BTRC: variants seen among roughly 807,000 people sequenced by gnomAD.
BTRC encodes the protein F-box/WD repeat-containing protein 1A.
In BTRC, 42 loss-of-function variants were observed where a neutral mutation model predicts 85.5. The observed-to-expected ratio is 0.49, with a 90% CI of 0.38 to 0.64. The LOEUF (loss-of-function observed/expected upper bound fraction) is 0.64, where lower values mean the gene tolerates loss of function less well. BTRC is among the 30% of genes least tolerant of loss of function. The probability of loss-of-function intolerance (pLI) is 0.00; values close to 1 mark genes in which losing one functional copy is unlikely to be tolerated. For synonymous variants in BTRC, 255 were observed against 263.3 expected (o/e 0.97, Z 0.30); for missense variants, 594 against 743.5 (o/e 0.80, Z 2.34).
chr10:101,367,537 C>A (rs1011313804), intron 1 of BTRC, among the ~76,000 whole-genome samples: 3 of 152,048 alleles, frequency 2.0e-5, no homozygotes, highest in Non-Finnish European at 4.4e-5. Context: ...TCTTCGTAAC[C>A]ATTATCTAGA....
intron 4 of BTRC, among the ~76,000 whole-genome samples, chr10:101,515,691 T>C (rs2062014568): frequency 6.6e-6 from 1 of 152,142 alleles, no homozygotes; most frequent in South Asian, 2.1e-4. Flanking sequence ...TTTTGTACTT[T>C]TAGTAGAGAC....
At chr10:101,450,150 T>C (rs1357591974) in intron 2 of BTRC, among the ~76,000 whole-genome samples, 3 of 152,122 alleles carry the variant, frequency 2.0e-5, no homozygotes, top group African/African-American at 7.2e-5. Flanking sequence ...ACAAACTCTT[T>C]TATATACTCA....
chr10:101,426,668 T>A (rs1944259633), intron 1 of BTRC, among the ~76,000 whole-genome samples: 1 of 152,182 alleles, frequency 6.6e-6, no homozygotes. Context: ...GATTTTTATG[T>A]AAAACGGAGG....
chr10:101,507,262 G>T (rs1946566802), intron 4 of BTRC, among the ~76,000 whole-genome samples: 1 of 152,144 alleles, frequency 6.6e-6, no homozygotes, highest in Non-Finnish European at 1.5e-5. Flanking sequence ...TAAGCTGTCG[G>T]TTGATTTTTT....
intron 1 of BTRC, among the ~76,000 whole-genome samples, chr10:101,402,950 TG>T (rs1943527246): frequency 6.6e-6 from 1 of 152,242 alleles, no homozygotes; most frequent in South Asian, 2.1e-4. Flanking sequence ...CAGTTTTATC[TG>T]GTGTTTTCTA....
intron 4 of BTRC, among the ~76,000 whole-genome samples, chr10:101,491,986 C>T (rs1371777866): frequency 6.6e-6 from 1 of 151,580 alleles, no homozygotes; most frequent in Non-Finnish European, 1.5e-5. Context: ...TTTTAACTCC[C>T]TGGATATTCT....
intron 1 of BTRC, among the ~76,000 whole-genome samples, chr10:101,368,371 C>CT (rs906752931): frequency 1.7e-4 from 26 of 150,976 alleles, no homozygotes; most frequent in South Asian, 6.3e-4. Context: ...CCAAATAAAC[C>CT]TTTTTTTATT....
At chr10:101,502,243 T>C (rs548991246) in intron 4 of BTRC, among the ~76,000 whole-genome samples, 1 of 152,314 alleles carries the variant, frequency 6.6e-6, no homozygotes, top group East Asian at 1.9e-4. Context: ...GTTAGCTCTT[T>C]GGTAGAAATT....
At chr10:101,396,886 T>G (rs1009967477) in intron 1 of BTRC, among the ~76,000 whole-genome samples, 2 of 151,168 alleles carry the variant, frequency 1.3e-5, no homozygotes, top group African/African-American at 4.9e-5. Context: ...CACCGGAACC[T>G]CCGCCTCCCG....
intron 1 of BTRC, among the ~76,000 whole-genome samples, chr10:101,365,850 G>C (rs971331424): frequency 6.6e-6 from 1 of 152,092 alleles, no homozygotes; most frequent in African/African-American, 2.4e-5. Context: ...GTAAAATTTA[G>C]TATATTGAGT....
intron 1 of BTRC, among the ~76,000 whole-genome samples, chr10:101,396,187 C>G (rs1009784246): frequency 4.0e-5 from 6 of 150,650 alleles, no homozygotes; most frequent in Admixed American, 1.3e-4. Flanking sequence ...TGTCTTTGCT[C>G]TCATTTCCCA....
chr10:101,552,226 T>C (rs1331111556), intron 14 of BTRC, among the ~76,000 whole-genome samples: 1 of 152,036 alleles, frequency 6.6e-6, no homozygotes, highest in Non-Finnish European at 1.5e-5. Context: ...TTCACTCCTG[T>C]CACCCAAGCT....
chr10:101,360,320 G>T (rs1218383538), intron 1 of BTRC, among the ~76,000 whole-genome samples: 1 of 150,888 alleles, frequency 6.6e-6, no homozygotes, highest in Non-Finnish European at 1.5e-5. Flanking sequence ...CTCCCAAAGT[G>T]CTGGGATTAC....
At chr10:101,368,850 T>C (rs1942551865) in intron 1 of BTRC, among the ~76,000 whole-genome samples, 1 of 152,042 alleles carries the variant, frequency 6.6e-6, no homozygotes, top group Non-Finnish European at 1.5e-5. Flanking sequence ...GAAACCTCGC[T>C]TCTACTAAAG....
In BTRC at chr10:101,533,193, T is replaced by C. The variant is rs1239976021; in HGVS notation, c.1097+123T>C. The C allele has an allele frequency of 1.6e-5, 10 of 607,942 alleles. No individual in the cohort carries two copies. In the Admixed American group the frequency reaches 2.6e-4, roughly 16 times the overall value. 37.7% of individuals were successfully genotyped at this position (607,942 alleles called of 1,614,324 possible). On this transcript the variant is annotated intron_variant, in intron 9 of 14. Transcript: ENST00000370187. Reference sequence around the variant, plus strand: ...AACTAAAGAAGAATAAACCACCAGGTCCCCATCATTTCTGTCAGTCTAGAA... The same window carrying C: ...AACTAAAGAAGAATAAACCACCAGGCCCCCATCATTTCTGTCAGTCTAGAA...
rs1435541799 is a variant in BTRC, at chr10:101,521,661, C to G, written c.347C>G (p.Ser116Cys). 5 of 1,613,828 alleles carry G rather than the reference C, an allele frequency of 3.1e-6. No individual in the cohort carries two copies. The highest frequency in any genetic ancestry group is 1.3e-5 in the African/African-American group (1 of 74,896). Reference sequence around the variant, plus strand: ...CAGACAAAACTTGCCAATGGCACTTCCAGTATGATTGTGCCCAAGCAACGG... The same window carrying G: ...CAGACAAAACTTGCCAATGGCACTTGCAGTATGATTGTGCCCAAGCAACGG... ...VAKTKLANGT[S>C]SMIVPKQRKL... The change falls in exon 5 of 15, where the codon TCC becomes TGC. Residue 116 changes from serine (S) to cysteine (C), a missense_variant. Physicochemically the swap from Ser to Cys is moderately radical, Grantham distance 112 (BLOSUM62 -1). This residue lies in a region of BTRC where 163 missense variants were observed against 180.5 expected (regional missense o/e 0.90). Coordinates refer to ENST00000370187, the MANE Select transcript of BTRC (RefSeq NM_033637.4).
At chr10:101,394,235 C>T (rs1437323121) in intron 1 of BTRC, among the ~76,000 whole-genome samples, 3 of 151,892 alleles carry the variant, frequency 2.0e-5, no homozygotes, top group South Asian at 2.1e-4. Flanking sequence ...GGAAATGGTT[C>T]GAGTACGAAC....
intron 13 of BTRC, among the ~76,000 whole-genome samples, chr10:101,538,767 G>T (rs982171734): frequency 7.2e-5 from 11 of 152,104 alleles, no homozygotes; most frequent in African/African-American, 2.7e-4. Context: ...TGCCCTGGGG[G>T]CCGGGTGCGG....
chr10:101,536,833 A>G (rs1335193272), intron 12 of BTRC, among the ~76,000 whole-genome samples, 180 bp downstream of exon 12: 4 of 152,152 alleles, frequency 2.6e-5, no homozygotes, highest in African/African-American at 9.7e-5. Context: ...GTCCTGAAAT[A>G]TTCTTCCCAT....
Sources: gnomAD v4.1 joint callset for allele counts (sites outside exome capture counted in the v4.1 genomes callset) on GRCh38, gnomAD v4.1.1 for gene constraint, gnomAD v4.1.1 regional missense constraint, MANE v1.5 for transcripts, NCBI Gene and HGNC (gene_info 2026-07-23, HGNC 2026-07-21) for gene names.